The following RNF180 variants were observed in gnomAD, a reference collection of about 807,000 sequenced individuals.
The protein encoded by RNF180 is E3 ubiquitin-protein ligase RNF180.
In RNF180, 38 loss-of-function variants were observed where a neutral mutation model predicts 59.2. That is an observed-to-expected ratio of 0.64 (90% CI 0.50 to 0.84). RNF180 has a LOEUF of 0.84. Ranked by LOEUF, RNF180 falls within the 40% of genes least tolerant of loss-of-function variation. The pLI is 0.00. For missense variants in RNF180, 705 were observed against 700.9 expected (o/e 1.01, Z -0.07); for synonymous variants, 262 against 240.3 (o/e 1.09, Z -0.84).
In RNF180 at chr5:64,212,046, ATTTATT is replaced by A. The variant is rs777251343; in HGVS notation, c.136-11_136-6del. 7.3e-7 allele frequency: 1 copy of A among 1,363,386 alleles called. No individual in the cohort carries two copies. 84.5% of individuals were successfully genotyped at this position (1,363,386 alleles called of 1,614,324 possible). The stretch of plus-strand genomic sequence containing the variant: ...TTCTGAACTGGTAATTAGTAATATC[ATTTATT>A]TTTATTTAACAGGATAAAGATGATT... On this transcript the variant is annotated splice_polypyrimidine_tract_variant and intron_variant, in intron 2 of 7. Transcript: ENST00000389100.
At chr5:64,242,892 TTC>T (rs1742886048) in intron 5 of RNF180, among the ~76,000 whole-genome samples, 1 of 152,178 alleles carries the variant, frequency 6.6e-6, no homozygotes, top group East Asian at 1.9e-4. Flanking sequence ...AGTTACCCAG[TTC>T]ATCTCACTGG....
At chr5:64,194,858 T>G (rs1189591957) in intron 1 of RNF180, among the ~76,000 whole-genome samples, 2 of 152,230 alleles carry the variant, frequency 1.3e-5, no homozygotes, top group Admixed American at 6.5e-5. Flanking sequence ...TGTTTGTTTT[T>G]TTCTTGTTTA....
At chr5:64,233,188 A>G (rs996592732) in intron 5 of RNF180, among the ~76,000 whole-genome samples, 1 of 152,242 alleles carries the variant, frequency 6.6e-6, no homozygotes, top group Admixed American at 6.5e-5. Context: ...GTTGTTGGTA[A>G]GACTAAATTA....
At chr5:64,330,689 T>C (rs903979518) in intron 7 of RNF180, among the ~76,000 whole-genome samples, 5 of 152,196 alleles carry the variant, frequency 3.3e-5, no homozygotes, top group African/African-American at 1.2e-4. Context: ...GTCTCAAAAG[T>C]ATCAGATTTG....
intron 6 of RNF180, among the ~76,000 whole-genome samples, chr5:64,326,738 T>G (rs1376386690): frequency 1.3e-5 from 2 of 152,216 alleles, no homozygotes; most frequent in Non-Finnish European, 2.9e-5. Context: ...TGAGGATTTT[T>G]GCATCTATTT....
At chr5:64,313,491 T>C (rs1365586448) in intron 5 of RNF180, among the ~76,000 whole-genome samples, 2 of 152,158 alleles carry the variant, frequency 1.3e-5, no homozygotes, top group Non-Finnish European at 2.9e-5. Flanking sequence ...ATGATCTCAT[T>C]CTTTTGATAG....
intron 5 of RNF180, among the ~76,000 whole-genome samples, chr5:64,269,507 C>T (rs576363160): frequency 6.6e-6 from 1 of 152,222 alleles, no homozygotes; most frequent in South Asian, 2.1e-4. Context: ...TTTGGCATCC[C>T]TGTGTGCCCA....
chr5:64,308,691 T>C (rs1407099789), intron 5 of RNF180, among the ~76,000 whole-genome samples: 1 of 151,656 alleles, frequency 6.6e-6, no homozygotes, highest in African/African-American at 2.4e-5. Context: ...TTGCTCAGAG[T>C]AAAAATATAA....
chr5:64,268,071 A>G (rs950344041), intron 5 of RNF180, among the ~76,000 whole-genome samples: 4 of 152,200 alleles, frequency 2.6e-5, no homozygotes, highest in Admixed American at 1.3e-4. Context: ...TGATTTCTTG[A>G]AACATGATTA....
chr5:64,226,729 G>A (rs1182213224), intron 5 of RNF180, among the ~76,000 whole-genome samples: 1 of 152,010 alleles, frequency 6.6e-6, no homozygotes, highest in Non-Finnish European at 1.5e-5. Flanking sequence ...TGCTACAGCA[G>A]CCACAGCACA....
At chr5:64,236,716 C>T (rs78010307) in intron 5 of RNF180, among the ~76,000 whole-genome samples, 3,323 of 152,204 alleles carry the variant, frequency 0.022, 121 homozygotes, top group African/African-American at 0.076. Context: ...TGAGCCATTC[C>T]AGGCCCCCTG....
intron 5 of RNF180, among the ~76,000 whole-genome samples, chr5:64,236,884 C>T (rs948043915): frequency 2.6e-5 from 4 of 152,110 alleles, no homozygotes; most frequent in Admixed American, 2.0e-4. Context: ...TGTGGGTGTG[C>T]AGAAAAGAAT....
chr5:64,215,588 A>G (rs1281268385), intron 4 of RNF180, among the ~76,000 whole-genome samples: 2 of 152,266 alleles, frequency 1.3e-5, no homozygotes, highest in South Asian at 2.1e-4. Context: ...GTGACATCAA[A>G]GTATATATTA....
intron 5 of RNF180, among the ~76,000 whole-genome samples, chr5:64,320,165 G>T (rs1276270554): frequency 2.0e-5 from 3 of 152,168 alleles, no homozygotes; most frequent in East Asian, 3.9e-4. Context: ...AGAGCCACAG[G>T]TGTGAACATT....
chr5:64,351,806 C>T (rs1052669314), intron 7 of RNF180, among the ~76,000 whole-genome samples: 1 of 151,984 alleles, frequency 6.6e-6, no homozygotes, highest in Admixed American at 6.6e-5. Flanking sequence ...TTCAGTTTGC[C>T]AGTATTTTAT....
Position 64,214,184 on chromosome 5 carries a change from T to A in RNF180, c.858T>A (p.Phe286Leu), listed in dbSNP as rs1482510873. ...ATTCCTTTCAGAATCCATCCAGTTT[T>A]GATCCTAGTATGCTGCTGCAAAGAT... The part of the protein sequence containing the change: ...NSYSFQNPSS[F>L]DPSMLLQRFS... Residue 286 changes from phenylalanine to leucine, a missense_variant, in exon 4 of 8, where the codon TTT becomes TTA. Physicochemically the swap from Phe to Leu is conservative, Grantham distance 22. Coordinates refer to ENST00000389100, the MANE Select transcript of RNF180 (RefSeq NM_001113561.2). 1.2e-6 allele frequency: 2 copies of A among 1,614,090 alleles called. No homozygotes were observed. The highest frequency in any genetic ancestry group is 1.7e-6 in the Non-Finnish European group (2 of 1,180,032).
chr5:64,307,868 A>G (rs1743557539), intron 5 of RNF180, among the ~76,000 whole-genome samples: 1 of 151,824 alleles, frequency 6.6e-6, no homozygotes, highest in Admixed American at 6.6e-5. Flanking sequence ...TGAGAAGTCA[A>G]AAAATTTCAA....
intron 5 of RNF180, among the ~76,000 whole-genome samples, chr5:64,288,366 T>C (rs1291105165): frequency 6.6e-6 from 1 of 152,236 alleles, no homozygotes; most frequent in Non-Finnish European, 1.5e-5. Flanking sequence ...TTGCTTAGGA[T>C]TGCCTTTGCT....
chr5:64,178,722 T>C (rs1478866322), intron 1 of RNF180, among the ~76,000 whole-genome samples: 2 of 152,208 alleles, frequency 1.3e-5, no homozygotes, highest in East Asian at 3.8e-4. Flanking sequence ...TTTCTATTGC[T>C]TGTACAGTGC....
Sources: gnomAD v4.1 joint callset for allele counts (sites outside exome capture counted in the v4.1 genomes callset) on GRCh38, gnomAD v4.1.1 for gene constraint, MANE v1.5 for transcripts, NCBI Gene and HGNC (gene_info 2026-07-23, HGNC 2026-07-21) for gene names.